The following CEP63 variants were observed in gnomAD, a reference collection of about 807,000 sequenced individuals.
CEP63 encodes the protein centrosomal protein of 63 kDa.
A neutral mutation model predicts 89.1 loss-of-function variants in CEP63; 84 were observed. The ratio of observed to expected loss-of-function variants is 0.94; its 90% CI spans 0.79 to 1.13. The LOEUF (loss-of-function observed/expected upper bound fraction) is 1.13, where lower values mean the gene tolerates loss of function less well. CEP63 is among the 50% of genes most tolerant of loss of function. The pLI is 0.00. For missense variants in CEP63, 838 were observed against 813.3 expected (o/e 1.03, Z -0.37); for synonymous variants, 267 against 272.5 (o/e 0.98, Z 0.20).
the CEP63 span, among the ~76,000 whole-genome samples, chr3:134,776,166 C>A: frequency 3.9e-5 from 6 of 152,168 alleles, no homozygotes; most frequent in South Asian, 1.2e-3. Flanking sequence ...TGACATCCAC[C>A]TAATTTTTGC....
At chr3:134,706,821 C>T in the CEP63 span, among the ~76,000 whole-genome samples, 1 of 152,208 alleles carries the variant, frequency 6.6e-6, no homozygotes, top group Non-Finnish European at 1.5e-5. Flanking sequence ...CTCCAGCAAT[C>T]CATGGTGTTT....
the CEP63 span, among the ~76,000 whole-genome samples, chr3:134,593,321 C>T: frequency 2.0e-5 from 3 of 152,108 alleles, no homozygotes; most frequent in African/African-American, 4.8e-5. Context: ...ACTATGTGCC[C>T]GGGACTTTTC....
the CEP63 span, chr3:134,620,695 G>T: frequency 4.7e-6 from 6 of 1,278,998 alleles, no homozygotes; most frequent in East Asian, 2.4e-5. Context: ...GCAGAGGCCT[G>T]CAGGGAATGG....
At chr3:134,741,538 T>C in the CEP63 span, among the ~76,000 whole-genome samples, 1 of 152,164 alleles carries the variant, frequency 6.6e-6, no homozygotes, top group East Asian at 1.9e-4. Flanking sequence ...TCTGATCCAA[T>C]TAATCAGTGC....
the CEP63 span, among the ~76,000 whole-genome samples, chr3:134,685,669 A>G: frequency 6.6e-6 from 1 of 152,132 alleles, no homozygotes; most frequent in East Asian, 1.9e-4. Context: ...CTGGCTGGTG[A>G]TTTATGTGAT....
chr3:134,738,950 T>C, the CEP63 span, among the ~76,000 whole-genome samples: 492 of 138,818 alleles, frequency 3.5e-3, 1 homozygote, highest in African/African-American at 0.013. Flanking sequence ...TTTTATACCC[T>C]CTTGGATGGC....
At chr3:134,648,901 AAGG>A in the CEP63 span, among the ~76,000 whole-genome samples, 4 of 152,214 alleles carry the variant, frequency 2.6e-5, no homozygotes, top group African/African-American at 9.6e-5. Flanking sequence ...GTGGAGGAGA[AAGG>A]AGGAGATACC....
chr3:134,705,717 C>G, the CEP63 span, among the ~76,000 whole-genome samples: 1 of 152,182 alleles, frequency 6.6e-6, no homozygotes, highest in African/African-American at 2.4e-5. Flanking sequence ...TGGCTGCTCA[C>G]CTGTACTTGG....
chr3:134,583,115 C>T (rs1958401261), intron 10 of CEP63, among the ~76,000 whole-genome samples: 2 of 152,170 alleles, frequency 1.3e-5, no homozygotes, highest in South Asian at 4.1e-4. Flanking sequence ...AAATTTTTCT[C>T]CCATTCTATA....
chr3:134,493,007 ATAT>A (rs1342819751), intron 1 of CEP63, among the ~76,000 whole-genome samples: 1 of 152,104 alleles, frequency 6.6e-6, no homozygotes, highest in African/African-American at 2.4e-5. Context: ...ACTTCTAAGT[ATAT>A]TATTAAATAG....
chr3:134,581,836 C>T (rs368956959), intron 10 of CEP63, among the ~76,000 whole-genome samples: 6 of 150,316 alleles, frequency 4.0e-5, no homozygotes, highest in East Asian at 2.0e-4. Flanking sequence ...CTACCACGCC[C>T]GGCTAATTTG....
chr3:134,599,124 G>T, the CEP63 span, among the ~76,000 whole-genome samples: 95,849 of 152,108 alleles, frequency 0.63, 30,710 homozygotes, highest in East Asian at 0.87. Context: ...GCCAGCATCT[G>T]TTCACAGAGA....
At chr3:134,505,194 G>A (rs1480775499) in intron 2 of CEP63, among the ~76,000 whole-genome samples, 1 of 151,566 alleles carries the variant, frequency 6.6e-6, no homozygotes, top group South Asian at 2.1e-4. Flanking sequence ...CATTTTTCTT[G>A]TGTCCTTGTG....
At chr3:134,624,032 C>T in the CEP63 span, among the ~76,000 whole-genome samples, 1 of 152,184 alleles carries the variant, frequency 6.6e-6, no homozygotes, top group African/African-American at 2.4e-5. Flanking sequence ...GGGGGCATTT[C>T]CCCTGGATGT....
chr3:134,658,971 T>C, the CEP63 span, among the ~76,000 whole-genome samples: 1 of 152,210 alleles, frequency 6.6e-6, no homozygotes, highest in Non-Finnish European at 1.5e-5. Flanking sequence ...CATGACACCT[T>C]AATTGATTTT....
At chr3:134,552,183 C>A in intron 12 of CEP63, 171 bp downstream of exon 12, 1 of 437,312 alleles carries the variant, frequency 2.3e-6, no homozygotes. Context: ...ATATGACTCT[C>A]CACTCCAGCA....
At chr3:134,521,724 T>A (rs1947501717) in intron 3 of CEP63, among the ~76,000 whole-genome samples, 1 of 152,190 alleles carries the variant, frequency 6.6e-6, no homozygotes, top group Non-Finnish European at 1.5e-5. Context: ...TATTCTCACT[T>A]CTGTTTAATG....
At chr3:134,544,936 T>G (rs1952915926) in intron 6 of CEP63, among the ~76,000 whole-genome samples, 1 of 152,054 alleles carries the variant, frequency 6.6e-6, no homozygotes, top group African/African-American at 2.4e-5. Context: ...CAACTTCCGC[T>G]TCCTGGGTTC....
the CEP63 span, among the ~76,000 whole-genome samples, chr3:134,635,239 G>A: frequency 6.6e-6 from 1 of 152,184 alleles, no homozygotes; most frequent in African/African-American, 2.4e-5. Context: ...GCTCATGCCT[G>A]TAATCCCAGC....
Sources: allele counts gnomAD v4.1 joint callset (sites outside exome capture counted in the v4.1 genomes callset), GRCh38; gene constraint gnomAD v4.1.1; transcripts MANE v1.5; gene names NCBI Gene and HGNC (gene_info 2026-07-23, HGNC 2026-07-21).